PDCD1LG2: variants seen among roughly 807,000 people sequenced by gnomAD.
PDCD1LG2 encodes B7 dendritic cell molecule.
A neutral mutation model predicts 28.2 loss-of-function variants in PDCD1LG2; 32 were observed. The ratio of observed to expected loss-of-function variants is 1.13; its 90% CI spans 0.86 to 1.52. The LOEUF is 1.52. Among genes scored for constraint, PDCD1LG2 ranks in the 40% most tolerant of loss-of-function variants. The pLI, the probability that PDCD1LG2 is intolerant of heterozygous loss-of-function variation, is 0.00. For synonymous variants in PDCD1LG2, 116 were observed against 120.2 expected (o/e 0.97, Z 0.23); for missense variants, 385 against 323.8 (o/e 1.19, Z -1.45).
chr9:5,567,375 C>G (rs1312469653), intron 6 of PDCD1LG2, among the ~76,000 whole-genome samples: 1 of 152,224 alleles, frequency 6.6e-6, no homozygotes, highest in Non-Finnish European at 1.5e-5. Context: ...TGACACACTG[C>G]CCTTTCCATT....
At chr9:5,565,968 C>T (rs115716023) in intron 6 of PDCD1LG2, among the ~76,000 whole-genome samples, 199 of 152,076 alleles carry the variant, frequency 1.3e-3, no homozygotes, top group Middle Eastern at 6.8e-3. Context: ...GAATCCATTG[C>T]CTAGAAATTG....
intron 1 of PDCD1LG2, among the ~76,000 whole-genome samples, chr9:5,515,498 G>A (rs901467396): frequency 1.2e-4 from 18 of 152,332 alleles, no homozygotes; most frequent in African/African-American, 4.1e-4. Flanking sequence ...GCTTCGTTGA[G>A]TGACAGAACA....
intron 2 of PDCD1LG2, among the ~76,000 whole-genome samples, chr9:5,528,655 A>G (rs1432839614): frequency 6.6e-6 from 1 of 152,068 alleles, no homozygotes; most frequent in Non-Finnish European, 1.5e-5. Flanking sequence ...TGACATTCAA[A>G]TCATTTCATC....
chr9:5,570,969 T>C lies in PDCD1LG2; in HGVS notation c.*1010T>C. On this transcript the variant is annotated 3_prime_UTR_variant, in exon 7 of 7. Transcript: ENST00000397747. ...CATATGTGTGGAGCAGAAGGGTAAC[T>C]CGGCTACAGTAACAGCTTAATTTTG... is the stretch of plus-strand genomic sequence containing the variant. 4.3e-6 allele frequency: 1 copy of C among 232,832 alleles called. No homozygotes were observed. Among genetic ancestry groups the C allele is most frequent in the Non-Finnish European group, 8.5e-6 (1 of 117,786 alleles). 14.4% of individuals were successfully genotyped at this position (232,832 alleles called of 1,614,324 possible).
chr9:5,525,706 A>G (rs1305670577), intron 2 of PDCD1LG2, among the ~76,000 whole-genome samples: 5 of 152,150 alleles, frequency 3.3e-5, no homozygotes, highest in Admixed American at 6.5e-5. Context: ...CTTTTCATAA[A>G]TAAATATATT....
In PDCD1LG2 at chr9:5,513,992, T is replaced by C. The variant is rs565023308; in HGVS notation, c.-15+3189T>C. Reference sequence around the variant, plus strand: ...TTCAGATCAATTGGGTATGCATTTATCTAGGTCTTCATGGATAGCCGGGCT... The same window carrying C: ...TTCAGATCAATTGGGTATGCATTTACCTAGGTCTTCATGGATAGCCGGGCT... On this transcript the variant is annotated intron_variant, in intron 1 of 6. Transcript: ENST00000397747. Among the ~76,000 whole-genome samples the C allele has an allele frequency of 3.3e-4, 50 of 152,362 alleles. No homozygotes were observed. The South Asian group carries it at 9.3e-3, about 28-fold the overall frequency.
intron 6 of PDCD1LG2, among the ~76,000 whole-genome samples, chr9:5,565,325 G>A (rs1197572071): frequency 6.6e-6 from 1 of 152,106 alleles, no homozygotes; most frequent in Non-Finnish European, 1.5e-5. Context: ...GGGACTACAG[G>A]TGCATGCCAC....
chr9:5,526,463 G>C (rs1563822889), intron 2 of PDCD1LG2, among the ~76,000 whole-genome samples: 1 of 151,854 alleles, frequency 6.6e-6, no homozygotes, highest in Non-Finnish European at 1.5e-5. Context: ...TTAGAGACAG[G>C]GTCTTCCTCT....
intron 2 of PDCD1LG2, among the ~76,000 whole-genome samples, chr9:5,533,402 G>C (rs1477891429): frequency 6.6e-6 from 1 of 152,132 alleles, no homozygotes; most frequent in Non-Finnish European, 1.5e-5. Flanking sequence ...CCCTGTGGTA[G>C]ATGAAAAACA....
At chr9:5,539,798 G>T (rs1040857849) in intron 3 of PDCD1LG2, among the ~76,000 whole-genome samples, 1 of 152,176 alleles carries the variant, frequency 6.6e-6, no homozygotes, top group African/African-American at 2.4e-5. Flanking sequence ...CAGGGCAGGG[G>T]GATGGGAAGA....
At chr9:5,546,984 T>C in intron 3 of PDCD1LG2, among the ~76,000 whole-genome samples, 1 of 152,120 alleles carries the variant, frequency 6.6e-6, no homozygotes, top group Non-Finnish European at 1.5e-5. Flanking sequence ...GGGTGTTGTT[T>C]GCTATAATGA....
chr9:5,559,524 T>A (rs560593430), intron 5 of PDCD1LG2, among the ~76,000 whole-genome samples: 1 of 152,308 alleles, frequency 6.6e-6, no homozygotes, highest in Admixed American at 6.5e-5. Flanking sequence ...TTTCTGACCT[T>A]GTACAAATTG....
chr9:5,571,257 T>C lies in PDCD1LG2; in HGVS notation c.*1298T>C, dbSNP rs1816761818. On this transcript the variant is annotated 3_prime_UTR_variant, in exon 7 of 7. Coordinates refer to ENST00000397747, the MANE Select transcript of PDCD1LG2 (RefSeq NM_025239.4). ...AAAACTCAATTGTTATTCTTCAACG[T>C]TCTTTATATATTCTACTTTTGGGTA... The C allele has an allele frequency of 4.3e-6, 1 of 231,274 alleles. No individual in the cohort carries two copies. Among genetic ancestry groups the C allele is most frequent in the Non-Finnish European group, 8.6e-6 (1 of 116,938 alleles). 14.3% of individuals were successfully genotyped at this position (231,274 alleles called of 1,614,324 possible).
At chr9:5,545,498 A>C (rs2129854513) in intron 3 of PDCD1LG2, among the ~76,000 whole-genome samples, 1 of 152,394 alleles carries the variant, frequency 6.6e-6, no homozygotes, top group African/African-American at 2.4e-5. Context: ...GTTATTTAGC[A>C]GTTTACTAAT....
In PDCD1LG2 at chr9:5,571,263, A is replaced by G. The variant is rs1198841840; in HGVS notation, c.*1304A>G. On this transcript the variant is annotated 3_prime_UTR_variant, in exon 7 of 7. Transcript: ENST00000397747. ...CAATTGTTATTCTTCAACGTTCTTT[A>G]TATATTCTACTTTTGGGTAAGAGGT... The G allele has an allele frequency of 4.3e-6, 1 of 230,738 alleles. No homozygotes were observed. Among genetic ancestry groups the G allele is most frequent in the African/African-American group, 2.2e-5 (1 of 45,234 alleles). The allele number at this position is 230,738 out of a possible 1,614,324, so 14.3% of individuals were successfully genotyped here.
At chr9:5,530,184 G>T (rs1820455323) in intron 2 of PDCD1LG2, among the ~76,000 whole-genome samples, 2 of 152,110 alleles carry the variant, frequency 1.3e-5, no homozygotes, top group African/African-American at 4.8e-5. Context: ...AAAATGCAAA[G>T]CTCCCCCAAG....
chr9:5,523,422 C>G (rs938915846), intron 2 of PDCD1LG2, among the ~76,000 whole-genome samples: 5 of 152,192 alleles, frequency 3.3e-5, no homozygotes, highest in Non-Finnish European at 4.4e-5. Context: ...TAATGGCTCC[C>G]TTGGCACTTG....
At chr9:5,531,530 T>C (rs1347601711) in intron 2 of PDCD1LG2, among the ~76,000 whole-genome samples, 1 of 152,208 alleles carries the variant, frequency 6.6e-6, no homozygotes, top group Non-Finnish European at 1.5e-5. Context: ...GCATATTTTA[T>C]GCCTATCACT....
intron 3 of PDCD1LG2, among the ~76,000 whole-genome samples, chr9:5,535,640 T>C (rs575081464): frequency 6.6e-6 from 1 of 152,242 alleles, no homozygotes; most frequent in African/African-American, 2.4e-5. Flanking sequence ...TATAAATTTT[T>C]TTTTTCTTAC....
Sources: allele counts gnomAD v4.1 joint callset (sites outside exome capture counted in the v4.1 genomes callset), GRCh38; gene constraint gnomAD v4.1.1; transcripts MANE v1.5; gene names NCBI Gene and HGNC (gene_info 2026-07-23, HGNC 2026-07-21).